The following ZBTB16 variants were observed in gnomAD, a reference collection of about 807,000 sequenced individuals.
ZBTB16 encodes zinc finger and BTB domain containing 16.
Under a neutral mutation model 56.8 loss-of-function variants are expected in ZBTB16, and 8 were observed. The observed-to-expected ratio is 0.14, with a 90% CI of 0.08 to 0.25. The LOEUF is 0.25. ZBTB16 is among the 10% of genes least tolerant of loss of function. ZBTB16 has a pLI of 1.00. For missense variants in ZBTB16, 625 were observed against 903.0 expected, an observed-to-expected ratio of 0.69 and a Z score of 3.95; for synonymous variants, 363 against 368.5, an observed-to-expected ratio of 0.98 and a Z score of 0.17.
intron 2 of ZBTB16, among the ~76,000 whole-genome samples, chr11:114,123,449 C>T (rs1010175): frequency 0.078 from 11,888 of 151,988 alleles, 965 homozygotes; most frequent in African/African-American, 0.21. Context: ...TCCTGCTGTG[C>T]GTGTGTGTAT....
chr11:114,108,399 C>T (rs1009542204), intron 2 of ZBTB16, among the ~76,000 whole-genome samples: 17 of 152,170 alleles, frequency 1.1e-4, no homozygotes, highest in African/African-American at 2.9e-4. Context: ...TCTATTACTG[C>T]AGCAGTAGTC....
chr11:114,175,099 G>T (rs1283317772), intron 3 of ZBTB16, among the ~76,000 whole-genome samples: 1 of 152,134 alleles, frequency 6.6e-6, no homozygotes, highest in Non-Finnish European at 1.5e-5. Context: ...CTAAAAGCAG[G>T]ACTTCAAAGT....
At chr11:114,072,166 G>C (rs1267821813) in intron 2 of ZBTB16, among the ~76,000 whole-genome samples, 1 of 152,230 alleles carries the variant, frequency 6.6e-6, no homozygotes, top group East Asian at 1.9e-4. Context: ...TTCTCCCTGA[G>C]ACCGTTCTTC....
intron 4 of ZBTB16, among the ~76,000 whole-genome samples, chr11:114,195,766 C>A (rs1049893061): frequency 6.6e-6 from 1 of 152,152 alleles, no homozygotes; most frequent in Non-Finnish European, 1.5e-5. Context: ...TTTCTCTCAT[C>A]GCATCATCCT....
At chr11:114,100,331 G>A (rs1298704570) in intron 2 of ZBTB16, among the ~76,000 whole-genome samples, 1 of 152,136 alleles carries the variant, frequency 6.6e-6, no homozygotes, top group Non-Finnish European at 1.5e-5. Flanking sequence ...TGATTTTGGC[G>A]GCACTGGGTC....
At chr11:114,235,693 T>C (rs201399242) in intron 4 of ZBTB16, among the ~76,000 whole-genome samples, 2 of 114,304 alleles carry the variant, frequency 1.7e-5, no homozygotes, top group Admixed American at 9.6e-5. Flanking sequence ...TTTCTTTCTT[T>C]TCTTTCTTTC....
At chr11:114,121,337 G>A (rs987531895) in intron 2 of ZBTB16, among the ~76,000 whole-genome samples, 5 of 152,166 alleles carry the variant, frequency 3.3e-5, no homozygotes, top group East Asian at 1.9e-4. Context: ...GCTTCTGAAC[G>A]CAAGTGTGGA....
chr11:114,149,742 TA>T (rs1371933914), intron 2 of ZBTB16, among the ~76,000 whole-genome samples: 4 of 151,908 alleles, frequency 2.6e-5, no homozygotes, highest in African/African-American at 9.7e-5. Context: ...ATCTCAACAT[TA>T]AAAAAAAGTG....
intron 2 of ZBTB16, among the ~76,000 whole-genome samples, chr11:114,147,748 C>G (rs1942146622): frequency 6.6e-6 from 1 of 152,226 alleles, no homozygotes; most frequent in African/African-American, 2.4e-5. Flanking sequence ...CGGATCTTAA[C>G]TGCCCTGGCT....
chr11:114,238,207 G>C (rs997721205), intron 4 of ZBTB16, among the ~76,000 whole-genome samples: 11 of 152,192 alleles, frequency 7.2e-5, no homozygotes, highest in African/African-American at 2.7e-4. Context: ...TGGCCCATCA[G>C]CCCTCTCGCT....
intron 4 of ZBTB16, among the ~76,000 whole-genome samples, chr11:114,237,549 C>T (rs1310934389): frequency 2.6e-5 from 4 of 152,192 alleles, no homozygotes; most frequent in Non-Finnish European, 4.4e-5. Flanking sequence ...CCCCCTGCCC[C>T]GCCGCACATC....
intron 2 of ZBTB16, among the ~76,000 whole-genome samples, chr11:114,128,153 G>A (rs898625761): frequency 1.3e-5 from 2 of 152,210 alleles, no homozygotes; most frequent in African/African-American, 4.8e-5. Context: ...CCTGGCTTTA[G>A]CACAGTGTGT....
chr11:114,077,555 C>G (rs927978061), intron 2 of ZBTB16, among the ~76,000 whole-genome samples: 4 of 152,200 alleles, frequency 2.6e-5, no homozygotes, highest in African/African-American at 9.6e-5. Flanking sequence ...GACTCCTCCT[C>G]AGCCTGAACT....
intron 4 of ZBTB16, chr11:114,187,335 G>C (rs1005711787): frequency 4.2e-6 from 2 of 472,230 alleles, no homozygotes; most frequent in East Asian, 7.6e-5. Context: ...GTATGCTCTT[G>C]TTGAGGCCTT....
intron 3 of ZBTB16, among the ~76,000 whole-genome samples, chr11:114,182,238 T>A (rs914608081): frequency 1.3e-5 from 2 of 152,112 alleles, no homozygotes; most frequent in Non-Finnish European, 2.9e-5. Context: ...TTAGTAGAGA[T>A]GGGGTTTCAC....
chr11:114,221,003 C>T (rs1011438385), intron 4 of ZBTB16, among the ~76,000 whole-genome samples: 1 of 152,184 alleles, frequency 6.6e-6, no homozygotes, highest in African/African-American at 2.4e-5. Context: ...TCGTAGAATA[C>T]GTGTAAGCAT....
intron 2 of ZBTB16, among the ~76,000 whole-genome samples, chr11:114,075,742 A>T (rs748197053): frequency 1.3e-5 from 2 of 151,912 alleles, no homozygotes; most frequent in Non-Finnish European, 2.9e-5. Flanking sequence ...AAGTGCTGGG[A>T]TTATAGGTGT....
chr11:114,159,503 G>A (rs1848344752), intron 3 of ZBTB16, among the ~76,000 whole-genome samples: 1 of 151,850 alleles, frequency 6.6e-6, no homozygotes, highest in African/African-American at 2.4e-5. Flanking sequence ...TCTGTTGTCC[G>A]GCATACTCCT....
chr11:114,162,431 G>T (rs1170881195), intron 3 of ZBTB16, among the ~76,000 whole-genome samples: 1 of 152,226 alleles, frequency 6.6e-6, no homozygotes, highest in Non-Finnish European at 1.5e-5. Context: ...TCCCCACGCT[G>T]ATGATGGGAG....
Sources: allele counts gnomAD v4.1 joint callset (sites outside exome capture counted in the v4.1 genomes callset), GRCh38; gene constraint gnomAD v4.1.1; transcripts MANE v1.5; gene names NCBI Gene and HGNC (gene_info 2026-07-23, HGNC 2026-07-21).